ASCC3: variants seen among roughly 807,000 people sequenced by gnomAD.
ASCC3 encodes ASC-1 complex subunit P200.
A neutral mutation model predicts 256.3 loss-of-function variants in ASCC3; 158 were observed. That is an observed-to-expected ratio of 0.62 (90% confidence interval 0.54 to 0.70). ASCC3 has a LOEUF of 0.70. Among genes scored for constraint, ASCC3 ranks in the 30% least tolerant of loss-of-function variants. ASCC3 has a pLI of 0.00. For synonymous variants in ASCC3, 948 were observed against 883.4 expected (o/e 1.07, Z -1.30); for missense variants, 2,259 against 2,626.0 (o/e 0.86, Z 3.05).
At chr6:100,762,730 T>C (rs968947620) in intron 10 of ASCC3, among the ~76,000 whole-genome samples, 2 of 152,140 alleles carry the variant, frequency 1.3e-5, no homozygotes, top group African/African-American at 2.4e-5. Context: ...AACCACAAAA[T>C]ACATCACATC....
At chr6:100,553,981 C>T (rs531333834) in intron 36 of ASCC3, among the ~76,000 whole-genome samples, 1 of 152,202 alleles carries the variant, frequency 6.6e-6, no homozygotes, top group Admixed American at 6.5e-5. Context: ...GCTTGTTCTC[C>T]TAAGAATAAT....
chr6:100,699,736 G>A (rs894764373), intron 13 of ASCC3, among the ~76,000 whole-genome samples: 1 of 152,116 alleles, frequency 6.6e-6, no homozygotes, highest in East Asian at 1.9e-4. Flanking sequence ...GGCTAAGGTG[G>A]TCTTAGATGG....
chr6:100,534,866 G>A (rs988426093), intron 37 of ASCC3, among the ~76,000 whole-genome samples: 1 of 152,190 alleles, frequency 6.6e-6, no homozygotes, highest in Non-Finnish European at 1.5e-5. Flanking sequence ...CTCAGAACAT[G>A]AGTAGTCAAG....
chr6:100,659,001 C>T (rs1433613371), intron 16 of ASCC3, among the ~76,000 whole-genome samples: 1 of 151,390 alleles, frequency 6.6e-6, no homozygotes, highest in East Asian at 1.9e-4. Context: ...GACTTGTGAC[C>T]TTTCAGCATT....
At chr6:100,553,696 A>G (rs1769418977) in intron 36 of ASCC3, among the ~76,000 whole-genome samples, 1 of 152,132 alleles carries the variant, frequency 6.6e-6, no homozygotes, top group Admixed American at 6.6e-5. Flanking sequence ...TTTAGATTGC[A>G]AAAGAAAAAA....
intron 26 of ASCC3, among the ~76,000 whole-genome samples, chr6:100,630,022 C>G (rs915428438): frequency 1.3e-5 from 2 of 151,828 alleles, no homozygotes; most frequent in African/African-American, 4.8e-5. Flanking sequence ...CTCCAAGTAG[C>G]TGGGATTACA....
At chr6:100,782,291 A>T (rs1261086988) in intron 8 of ASCC3, among the ~76,000 whole-genome samples, 2 of 152,200 alleles carry the variant, frequency 1.3e-5, no homozygotes, top group African/African-American at 4.8e-5. Context: ...ATACTAATGC[A>T]TCACATGTGA....
chr6:100,728,679 A>G (rs1779752462), intron 10 of ASCC3, among the ~76,000 whole-genome samples: 1 of 152,178 alleles, frequency 6.6e-6, no homozygotes, highest in Non-Finnish European at 1.5e-5. Flanking sequence ...CAATAAAAAT[A>G]AATAAACTAT....
chr6:100,550,748 C>G (rs1769251872), intron 36 of ASCC3, among the ~76,000 whole-genome samples: 1 of 151,930 alleles, frequency 6.6e-6, no homozygotes, highest in Non-Finnish European at 1.5e-5. Flanking sequence ...CTACTGTTCT[C>G]TTCTAAACCA....
chr6:100,558,520 C>T (rs1214029532), intron 36 of ASCC3, among the ~76,000 whole-genome samples: 1 of 152,050 alleles, frequency 6.6e-6, no homozygotes, highest in Non-Finnish European at 1.5e-5. Flanking sequence ...CAAGCCATAT[C>T]TCAAAAAGAC....
rs71028030 is a variant in ASCC3 at position 100,687,034 on chromosome 6, TCACACACA to T, written c.2152-7290_2152-7283del. On this transcript the variant is annotated intron_variant, in intron 13 of 41. Coordinates refer to ENST00000369162, the MANE Select transcript of ASCC3 (RefSeq NM_006828.4). Reference sequence around the variant, plus strand: ...AAATCTCTCTCTCTCTCTCTCTCTCTCACACACACACACACACACACACACACACACAC... The same window carrying T: ...AAATCTCTCTCTCTCTCTCTCTCTCTCACACACACACACACACACACACAC... Among the ~76,000 whole-genome samples the T allele has an allele frequency of 5.4e-4, 71 of 130,674 alleles. 1 individual carries two copies. The highest frequency in any genetic ancestry group is 1.8e-3 in the African/African-American group (62 of 34,650). The allele number at this position is 130,674 out of a possible 152,430, so 85.7% of individuals were successfully genotyped here.
chr6:100,513,935 C>A (rs1773899084), intron 39 of ASCC3, among the ~76,000 whole-genome samples: 1 of 150,380 alleles, frequency 6.6e-6, no homozygotes, highest in Non-Finnish European at 1.5e-5. Context: ...TCAGTTGTTA[C>A]CTTCTCAGTT....
intron 8 of ASCC3, among the ~76,000 whole-genome samples, chr6:100,783,195 T>A (rs1391537915): frequency 6.6e-6 from 1 of 152,172 alleles, no homozygotes; most frequent in East Asian, 1.9e-4. Context: ...ACTCTTCTCA[T>A]GCCCCTTCAA....
intron 34 of ASCC3, among the ~76,000 whole-genome samples, chr6:100,593,201 G>T (rs1242176613): frequency 3.3e-5 from 5 of 152,042 alleles, no homozygotes; most frequent in African/African-American, 1.2e-4. Flanking sequence ...ACAATTACAG[G>T]CTGTTTGAAC....
intron 3 of ASCC3, chr6:100,858,259 C>G (rs1396584125): frequency 1.8e-6 from 1 of 547,916 alleles, no homozygotes; most frequent in Non-Finnish European, 2.3e-6. Context: ...TCATTTTCTA[C>G]AGGTACAGTC....
In ASCC3 at chr6:100,718,063, A is replaced by G. The variant is rs1562246783; in HGVS notation, c.2079+12T>C. The G allele has an allele frequency of 1.2e-6, 2 of 1,610,390 alleles. No homozygotes were observed. Among genetic ancestry groups the G allele is most frequent in the Non-Finnish European group, 1.7e-6 (2 of 1,177,472 alleles). ...AAAATATTTTTAGATAAGAATTAAA[A>G]TGAGTATTTACCTTATTTGCACATT... On this transcript the variant is annotated intron_variant, in intron 12 of 41. Coordinates refer to ENST00000369162, the MANE Select transcript of ASCC3 (RefSeq NM_006828.4).
At chr6:100,608,063 T>TATATATACACATATATATGTATATATCG (rs1773005452) in intron 30 of ASCC3, among the ~76,000 whole-genome samples, 1 of 102,484 alleles carries the variant, frequency 9.8e-6, no homozygotes, top group Non-Finnish European at 1.9e-5. Context: ...TATATACACA[T>TATATATACACATATATATGTATATATCG]ATATATACAT....
intron 10 of ASCC3, among the ~76,000 whole-genome samples, chr6:100,727,337 C>T (rs959933082): frequency 3.3e-5 from 5 of 151,802 alleles, no homozygotes; most frequent in South Asian, 2.1e-4. Context: ...CCCAAATCCG[C>T]GTATTCACAG....
chr6:100,546,890 G>A (rs564422538), intron 36 of ASCC3, among the ~76,000 whole-genome samples: 12 of 151,736 alleles, frequency 7.9e-5, no homozygotes, highest in Admixed American at 7.2e-4. Context: ...TGACCCCATG[G>A]AAAAAAATAT....
Sources: gnomAD v4.1 joint callset for allele counts (sites outside exome capture counted in the v4.1 genomes callset) on GRCh38, gnomAD v4.1.1 for gene constraint, MANE v1.5 for transcripts, NCBI Gene and HGNC (gene_info 2026-07-23, HGNC 2026-07-21) for gene names.